Variants in PARD3 observed in about 807,000 individuals in gnomAD.
PARD3 encodes the protein partitioning defective 3 homolog.
PARD3 carries 75 observed loss-of-function variants against 155.4 expected under a neutral mutation model. The ratio of observed to expected loss-of-function variants is 0.48; its 90% confidence interval spans 0.40 to 0.58. PARD3 has a LOEUF of 0.58. Ranked by LOEUF, PARD3 falls within the 20% of genes least tolerant of loss-of-function variation. PARD3 has a pLI of 0.00. For missense variants in PARD3, 1,642 were observed against 1,721.7 expected, an observed-to-expected ratio of 0.95 and a Z score of 0.82; for synonymous variants, 576 against 610.5, an observed-to-expected ratio of 0.94 and a Z score of 0.83.
intron 2 of PARD3, among the ~76,000 whole-genome samples, chr10:34,527,265 G>A (rs1174599009): frequency 6.6e-6 from 1 of 152,164 alleles, no homozygotes; most frequent in Non-Finnish European, 1.5e-5. Context: ...AGACAAGATG[G>A]TATTTCCAAC....
At chr10:34,401,103 A>G (rs1207173312) in intron 6 of PARD3, among the ~76,000 whole-genome samples, 1 of 152,162 alleles carries the variant, frequency 6.6e-6, no homozygotes, top group Non-Finnish European at 1.5e-5. Context: ...AAGTACATAA[A>G]TGTCAATGTC....
intron 20 of PARD3, among the ~76,000 whole-genome samples, chr10:34,295,281 T>C (rs1346843638): frequency 6.6e-6 from 1 of 152,220 alleles, no homozygotes; most frequent in African/African-American, 2.4e-5. Flanking sequence ...CCAGTCTGAA[T>C]GCTGCTCATG....
chr10:34,778,340 G>T lies in PARD3; in HGVS notation c.120+36536C>A, dbSNP rs146646695. Among the ~76,000 whole-genome samples the T allele has an allele frequency of 2.6e-5, 4 of 152,174 alleles. No homozygotes were observed. In the South Asian group the frequency reaches 6.2e-4, roughly 24 times the overall value. ...GGCCAAGGACAGAAATGAGGCAAAG[G>T]CTGGTTCAAATCCACTTGTTTGGCA... is the stretch of plus-strand genomic sequence containing the variant. On this transcript the variant is annotated intron_variant, in intron 1 of 24. Coordinates refer to ENST00000374788, the MANE Select transcript of PARD3 (RefSeq NM_001184785.2).
chr10:34,709,928 G>T (rs1474137234), intron 1 of PARD3, among the ~76,000 whole-genome samples: 1 of 152,152 alleles, frequency 6.6e-6, no homozygotes, highest in Middle Eastern at 3.4e-3. Flanking sequence ...TAATGACCCA[G>T]GGTTCATGAG....
At chr10:34,725,448 C>T (rs911997229) in intron 1 of PARD3, among the ~76,000 whole-genome samples, 1 of 152,284 alleles carries the variant, frequency 6.6e-6, no homozygotes, top group Non-Finnish European at 1.5e-5. Flanking sequence ...AGCCACCACG[C>T]CCAGCCCAGT....
intron 22 of PARD3, among the ~76,000 whole-genome samples, chr10:34,162,095 T>G (rs1317058852): frequency 2.0e-5 from 3 of 151,824 alleles, no homozygotes; most frequent in Non-Finnish European, 4.4e-5. Flanking sequence ...GAAGGGTCCC[T>G]GAAGAATCTC....
rs1341426804 is a variant in PARD3 at position 34,633,428 on chromosome 10, G to A, written c.222+62890C>T. Reference sequence around the variant, plus strand: ...TAATGGTTTCAGATTCTGCGTATCCGTGAAAACAGGCAGTATTTGTCTTTC... The same window carrying A: ...TAATGGTTTCAGATTCTGCGTATCCATGAAAACAGGCAGTATTTGTCTTTC... On this transcript the variant is annotated intron_variant, in intron 2 of 24. Coordinates refer to ENST00000374788, the MANE Select transcript of PARD3 (RefSeq NM_001184785.2). Among the ~76,000 whole-genome samples the A allele has an allele frequency of 4.7e-5, 7 of 150,262 alleles. No homozygotes were observed. The East Asian group carries it at 7.9e-4, about 17-fold the overall frequency.
intron 2 of PARD3, among the ~76,000 whole-genome samples, chr10:34,683,450 T>C (rs1564502865): frequency 6.7e-6 from 1 of 150,194 alleles, no homozygotes; most frequent in Non-Finnish European, 1.5e-5. Context: ...CATTTACAGA[T>C]GGGAAAAATG....
At chr10:34,316,912 T>C (rs1019221873) in intron 20 of PARD3, among the ~76,000 whole-genome samples, 195 bp downstream of exon 20, 6 of 152,148 alleles carry the variant, frequency 3.9e-5, no homozygotes, top group African/African-American at 1.4e-4. Flanking sequence ...TATTTATTTA[T>C]TTTAGAGAGA....
At chr10:34,598,982 A>G (rs1296730267) in intron 2 of PARD3, among the ~76,000 whole-genome samples, 1 of 151,652 alleles carries the variant, frequency 6.6e-6, no homozygotes, top group East Asian at 1.9e-4. Context: ...GCCAGTGTGG[A>G]TACCTCTCCC....
chr10:34,248,323 A>G (rs1175399933), intron 22 of PARD3, among the ~76,000 whole-genome samples: 6 of 152,224 alleles, frequency 3.9e-5, no homozygotes, highest in African/African-American at 1.4e-4. Flanking sequence ...AATAAACAGC[A>G]TGGTCAATAA....
intron 2 of PARD3, among the ~76,000 whole-genome samples, chr10:34,586,719 A>G (rs184394895): frequency 6.6e-6 from 1 of 152,224 alleles, no homozygotes; most frequent in Admixed American, 6.5e-5. Flanking sequence ...GGCCGAGGCG[A>G]GTTGGATCAC....
At chr10:34,587,940 T>G (rs1369065643) in intron 2 of PARD3, among the ~76,000 whole-genome samples, 5 of 152,194 alleles carry the variant, frequency 3.3e-5, no homozygotes, top group African/African-American at 1.2e-4. Flanking sequence ...TGTCTTGCTC[T>G]GCGGTGACCA....
At chr10:34,362,010 G>A (rs1264321298) in intron 12 of PARD3, among the ~76,000 whole-genome samples, 1 of 152,202 alleles carries the variant, frequency 6.6e-6, no homozygotes, top group African/African-American at 2.4e-5. Context: ...GGGCGTGGTG[G>A]CTCACGCCCA....
chr10:34,239,453 A>G (rs1953439626), intron 22 of PARD3, among the ~76,000 whole-genome samples: 1 of 152,224 alleles, frequency 6.6e-6, no homozygotes, highest in Non-Finnish European at 1.5e-5. Flanking sequence ...GTCTACTTTC[A>G]GATGGAATCC....
At chr10:34,246,350 G>A (rs1953949117) in intron 22 of PARD3, among the ~76,000 whole-genome samples, 2 of 152,198 alleles carry the variant, frequency 1.3e-5, no homozygotes, top group Admixed American at 6.5e-5. Context: ...ATTTTCAGCA[G>A]GAACTGGGGA....
intron 20 of PARD3, among the ~76,000 whole-genome samples, chr10:34,310,571 C>G (rs1056378967): frequency 3.3e-5 from 5 of 152,188 alleles, no homozygotes; most frequent in Admixed American, 1.3e-4. Context: ...GAGGCCCAGC[C>G]GTCATGCTTT....
intron 20 of PARD3, among the ~76,000 whole-genome samples, chr10:34,285,285 C>T (rs1051317484): frequency 6.6e-6 from 1 of 152,128 alleles, no homozygotes; most frequent in Non-Finnish European, 1.5e-5. Context: ...GAGGGTCAGG[C>T]CCAGTGGTTC....
Position 34,814,960 on chromosome 10 carries a change from C to G in PARD3, c.36G>C (p.Val12=). ...KVTVCFGRTR[V]VVPCGDGHMK... ...TGTGGCCGTCCCCGCACGGCACGAC[C>G]ACCCGGGTCCGTCCGAAGCACACGG... Residue 12 remains valine, a synonymous_variant, in exon 1 of 25, where the codon GTG becomes GTC. Coordinates refer to ENST00000374788, the MANE Select transcript of PARD3 (RefSeq NM_001184785.2). The G allele has an allele frequency of 6.4e-7, 1 of 1,559,206 alleles. No homozygotes were observed. Among genetic ancestry groups the G allele is most frequent in the Non-Finnish European group, 8.7e-7 (1 of 1,154,992 alleles).
Sources: allele counts gnomAD v4.1 joint callset (sites outside exome capture counted in the v4.1 genomes callset), GRCh38; gene constraint gnomAD v4.1.1; transcripts MANE v1.5; gene names NCBI Gene and HGNC (gene_info 2026-07-23, HGNC 2026-07-21).